EPB41L1: variants seen among roughly 807,000 people sequenced by gnomAD.
The protein encoded by EPB41L1 is band 4.1-like protein 1.
In EPB41L1, 29 loss-of-function variants were observed where a neutral mutation model predicts 97.8. The ratio of observed to expected loss-of-function variants is 0.30; its 90% CI spans 0.22 to 0.40. The LOEUF (loss-of-function observed/expected upper bound fraction) is 0.40. EPB41L1 is among the 10% of genes least tolerant of loss of function. The pLI is 1.00. For missense variants in EPB41L1, 812 were observed against 1,162.3 expected, an observed-to-expected ratio of 0.70 and a Z score of 4.38; for synonymous variants, 383 against 459.2, an observed-to-expected ratio of 0.83 and a Z score of 2.12.
intron 2 of EPB41L1, among the ~76,000 whole-genome samples, chr20:36,132,997 G>C (rs928634196): frequency 6.6e-6 from 1 of 152,230 alleles, no homozygotes; most frequent in African/African-American, 2.4e-5. Flanking sequence ...GGAGGGCCAA[G>C]GAACAACTCT....
At chr20:36,152,891 GGCT>G (rs2060110445), upstream of EPB41L1, 1 of 450,226 alleles carries the variant, frequency 2.2e-6, no homozygotes, top group Non-Finnish European at 4.5e-6. Flanking sequence ...TTGTACAGAA[GGCT>G]GCCAAGCAGG....
Position 36,220,656 on chromosome 20 carries a change from C to T in EPB41L1, c.2439+812C>T, listed in dbSNP as rs374579593. 2.0e-3 allele frequency among the ~76,000 whole-genome samples: 302 copies of T among 152,078 alleles called. 2 individuals carry two copies. Among genetic ancestry groups the T allele is most frequent in the African/African-American group, 7.0e-3 (291 of 41,470 alleles). ...GAAGAGGGAGAAGTATGGAGAGAGA[C>T]GGATAATAAATAACTCAGGCCTGGT... On this transcript the variant is annotated intron_variant, in intron 19 of 21. Transcript: ENST00000338074.
intron 2 of EPB41L1, among the ~76,000 whole-genome samples, chr20:36,143,286 C>T (rs975720541): frequency 6.6e-6 from 1 of 151,914 alleles, no homozygotes; most frequent in Non-Finnish European, 1.5e-5. Flanking sequence ...CTTTTCTACC[C>T]TCTCATAGCT....
At chr20:36,194,924 A>C (rs183408156) in intron 12 of EPB41L1, among the ~76,000 whole-genome samples, 1 of 152,246 alleles carries the variant, frequency 6.6e-6, no homozygotes, top group African/African-American at 2.4e-5. Context: ...AACAACATGC[A>C]CACACACAGG....
chr20:36,222,176 C>T (rs1429682804), intron 20 of EPB41L1, 102 bp from the exon 21 acceptor site: 2 of 1,151,596 alleles, frequency 1.7e-6, no homozygotes, highest in Non-Finnish European at 2.6e-6. Context: ...CCTCTCTGGG[C>T]CTCAGTTTTT....
intron 1 of EPB41L1, among the ~76,000 whole-genome samples, chr20:36,161,487 TG>T (rs1243566509): frequency 6.6e-6 from 1 of 152,212 alleles, no homozygotes; most frequent in African/African-American, 2.4e-5. Context: ...TTTTTTGTTT[TG>T]TTTTTGAGAT....
At chr20:36,135,589 G>A (rs2059387670) in intron 2 of EPB41L1, among the ~76,000 whole-genome samples, 1 of 152,232 alleles carries the variant, frequency 6.6e-6, no homozygotes, top group East Asian at 1.9e-4. Context: ...AAGTGCAAGT[G>A]TCTAGCCTGT....
At chr20:36,223,085 A>G (rs2063886878) in intron 21 of EPB41L1, among the ~76,000 whole-genome samples, 1 of 152,174 alleles carries the variant, frequency 6.6e-6, no homozygotes, top group African/African-American at 2.4e-5. Flanking sequence ...TTTAGTAAAG[A>G]CGTGGTTTCA....
At chr20:36,132,585 T>G in intron 2 of EPB41L1, among the ~76,000 whole-genome samples, 3 of 141,340 alleles carry the variant, frequency 2.1e-5, no homozygotes, top group Non-Finnish European at 3.1e-5. Context: ...GGGGGCGCAT[T>G]ATTATGCCTG....
At chr20:36,189,700 A>G (rs929071357) in intron 9 of EPB41L1, among the ~76,000 whole-genome samples, 3 of 151,990 alleles carry the variant, frequency 2.0e-5, no homozygotes, top group African/African-American at 7.3e-5. Context: ...ATCTCCCTTC[A>G]TTCCCCTTGT....
chr20:36,109,103 C>T (rs1402598437), intron 1 of EPB41L1, among the ~76,000 whole-genome samples: 2 of 152,032 alleles, frequency 1.3e-5, no homozygotes, highest in African/African-American at 4.8e-5. Context: ...GCCACCACGC[C>T]CGGCTAATTT....
At chr20:36,154,318 CT>C (rs1054075429), upstream of EPB41L1, among the ~76,000 whole-genome samples, 1 of 152,162 alleles carries the variant, frequency 6.6e-6, no homozygotes, top group African/African-American at 2.4e-5. The surrounding 1 kb of genome is among the most constrained non-coding windows in gnomAD (Gnocchi z 5.5). Flanking sequence ...TCTCCTCCCC[CT>C]CCCTTTCTCG....
chr20:36,103,646 A>C (rs2058093013), intron 1 of EPB41L1, among the ~76,000 whole-genome samples: 2 of 152,054 alleles, frequency 1.3e-5, no homozygotes. Flanking sequence ...ATAGCTAATA[A>C]ATGATTATGA....
At chr20:36,124,424 T>C (rs925465842) in intron 2 of EPB41L1, among the ~76,000 whole-genome samples, 1 of 152,174 alleles carries the variant, frequency 6.6e-6, no homozygotes, top group Non-Finnish European at 1.5e-5. Flanking sequence ...TCTCTATTGG[T>C]CTCCATAGAT....
At chr20:36,109,137 C>T (rs1449159410) in intron 1 of EPB41L1, among the ~76,000 whole-genome samples, 13 of 151,850 alleles carry the variant, frequency 8.6e-5, no homozygotes, top group South Asian at 2.1e-4. Flanking sequence ...TTAGTAGAGA[C>T]GGGGTTTCAC....
At chr20:36,185,774 T>G (rs2061659426) in intron 7 of EPB41L1, among the ~76,000 whole-genome samples, 1 of 152,198 alleles carries the variant, frequency 6.6e-6, no homozygotes, top group Non-Finnish European at 1.5e-5. Flanking sequence ...TCATTTCACT[T>G]CCTATGCTTT....
At chr20:36,142,750 TG>T (rs1321222149) in intron 2 of EPB41L1, among the ~76,000 whole-genome samples, 1 of 152,196 alleles carries the variant, frequency 6.6e-6, no homozygotes, top group Non-Finnish European at 1.5e-5. Flanking sequence ...TGTGCTGTGC[TG>T]TGCTGTGTTG....
Position 36,207,409 on chromosome 20 carries a change from G to A in EPB41L1, c.1669-2079G>A. On this transcript the variant is annotated intron_variant, in intron 14 of 21. Transcript: ENST00000338074. This position sits in a 1 kb window ranked among gnomAD's most constrained non-coding sequence, Gnocchi z 4.9. ...GACCTCTTTCCAGGCTGGGGACCAA[G>A]AGGGCTCCCTAGAAGATATTAGCAA... 1 of 1,289,732 alleles carries A rather than the reference G, an allele frequency of 7.8e-7. No homozygotes were observed. The highest frequency in any genetic ancestry group is 1.0e-6 in the Non-Finnish European group (1 of 988,818). 79.9% of individuals were successfully genotyped at this position (1,289,732 alleles called of 1,614,324 possible).
Position 36,154,915 on chromosome 20 carries a change from C to G in EPB41L1, c.-15+19C>G, listed in dbSNP as rs1199633673. ...GGCCCAGGTAGGCACATGGGGGAAT[C>G]AGGTGGCTCTCGGGGCCGGGGGCTT... On this transcript the variant is annotated intron_variant, in intron 1 of 21. Coordinates refer to ENST00000338074, the MANE Select transcript of EPB41L1 (RefSeq NM_012156.2). This position sits in a 1 kb window ranked among gnomAD's most constrained non-coding sequence, Gnocchi z 5.5. 3.6e-6 allele frequency: 4 copies of G among 1,101,250 alleles called. No individual in the cohort carries two copies. Among genetic ancestry groups the G allele is most frequent in the Non-Finnish European group, 3.3e-6 (3 of 895,584 alleles). The allele number at this position is 1,101,250 out of a possible 1,614,324, so 68.2% of individuals were successfully genotyped here.
Sources: allele counts gnomAD v4.1 joint callset (sites outside exome capture counted in the v4.1 genomes callset), GRCh38; gene constraint gnomAD v4.1.1; non-coding constraint Gnocchi (gnomAD v3.1); transcripts MANE v1.5; gene names NCBI Gene and HGNC (gene_info 2026-07-23, HGNC 2026-07-21).